The following RNGTT variants were observed in gnomAD, a reference collection of about 807,000 sequenced individuals.
The protein encoded by RNGTT is mRNA-capping enzyme.
RNGTT carries 33 observed loss-of-function variants against 79.3 expected under a neutral mutation model. The observed-to-expected ratio is 0.42, with a 90% CI of 0.32 to 0.56. The LOEUF is 0.56. Among genes scored for constraint, RNGTT ranks in the 20% least tolerant of loss-of-function variants. The pLI is 0.17. For synonymous variants in RNGTT, 222 were observed against 235.9 expected (o/e 0.94, Z 0.54); for missense variants, 497 against 739.1 (o/e 0.67, Z 3.80).
chr6:88,940,992 A>AT lies in RNGTT; in HGVS notation c.174+78dup, dbSNP rs1437100581. The AT allele has an allele frequency of 3.4e-5, 25 of 730,688 alleles. No individual in the cohort carries two copies. In the East Asian group the frequency reaches 6.5e-4, roughly 19 times the overall value. The allele number at this position is 730,688 out of a possible 1,614,324, so 45.3% of individuals were successfully genotyped here. A position where few individuals can be genotyped will look rare whatever the true frequency, so the allele number is the denominator to read the frequency against. On this transcript the variant is annotated intron_variant, in intron 2 of 15. Coordinates refer to ENST00000369485, the MANE Select transcript of RNGTT (RefSeq NM_003800.5). ...CTATTAATTATTTTAAAATAATAAG[A>AT]TTTTTTTAAAAGCCACCTGAAGAAC... is the stretch of plus-strand genomic sequence containing the variant.
At chr6:88,750,494 T>C (rs1459978516) in intron 13 of RNGTT, among the ~76,000 whole-genome samples, 1 of 152,170 alleles carries the variant, frequency 6.6e-6, no homozygotes, top group African/African-American at 2.4e-5. Context: ...GTTTCTGGCT[T>C]ATGAAACTGG....
intron 8 of RNGTT, among the ~76,000 whole-genome samples, chr6:88,857,019 T>C (rs1056908938): frequency 6.6e-6 from 1 of 152,094 alleles, no homozygotes; most frequent in Non-Finnish European, 1.5e-5. Context: ...GTTTCCCAGA[T>C]AGAAAATGCT....
chr6:88,706,005 GAGT>G (rs1198271428), intron 13 of RNGTT, among the ~76,000 whole-genome samples: 5 of 152,022 alleles, frequency 3.3e-5, no homozygotes, highest in African/African-American at 1.2e-4. Context: ...AAAGAGAAAT[GAGT>G]AGAATACCAT....
At chr6:88,852,046 T>C (rs1177327763) in intron 9 of RNGTT, among the ~76,000 whole-genome samples, 7 of 152,110 alleles carry the variant, frequency 4.6e-5, no homozygotes, top group Admixed American at 4.6e-4. Context: ...CTGTTTCTAA[T>C]GCCAACTCCT....
At chr6:88,656,356 T>C (rs953279203) in intron 14 of RNGTT, among the ~76,000 whole-genome samples, 4 of 152,192 alleles carry the variant, frequency 2.6e-5, no homozygotes, top group Admixed American at 6.5e-5. Context: ...TCTTACTCCA[T>C]GTTACCACTC....
intron 8 of RNGTT, among the ~76,000 whole-genome samples, chr6:88,867,240 T>C (rs930390374): frequency 6.6e-6 from 1 of 151,956 alleles, no homozygotes; most frequent in Non-Finnish European, 1.5e-5. Context: ...CCCAGCACTT[T>C]GGGAAGCCAA....
At chr6:88,632,105 C>T (rs1362922864) in intron 14 of RNGTT, among the ~76,000 whole-genome samples, 8 of 152,208 alleles carry the variant, frequency 5.3e-5, no homozygotes, top group East Asian at 3.9e-4. Context: ...GAACTACAGG[C>T]GTGTGCCACC....
intron 13 of RNGTT, among the ~76,000 whole-genome samples, chr6:88,687,999 T>C (rs768291605): frequency 6.8e-4 from 104 of 152,298 alleles, no homozygotes; most frequent in Admixed American, 1.8e-3. Flanking sequence ...AAAATAATTA[T>C]ATTTACAAAT....
chr6:88,729,008 G>A (rs777898786), intron 13 of RNGTT, among the ~76,000 whole-genome samples: 82 of 152,264 alleles, frequency 5.4e-4, no homozygotes, highest in African/African-American at 1.6e-3. Context: ...TCGACCGGGC[G>A]TGGGCTGCAT....
Position 88,774,452 on chromosome 6 carries a change from C to A in RNGTT, c.1339-4578G>T, listed in dbSNP as rs529967169. Among the ~76,000 whole-genome samples the A allele has an allele frequency of 4.6e-5, 7 of 152,214 alleles. No individual in the cohort carries two copies. The East Asian group carries it at 5.8e-4, about 13-fold the overall frequency. ...GCCAAACACAGAATTACCACATGACCCGGAAGGTCCATTTCTAGGTACACA... is the reference window on the plus strand; with the variant it reads ...GCCAAACACAGAATTACCACATGACACGGAAGGTCCATTTCTAGGTACACA... On this transcript the variant is annotated intron_variant, in intron 12 of 15. Transcript: ENST00000369485.
chr6:88,627,445 G>T (rs1482336902), intron 14 of RNGTT, among the ~76,000 whole-genome samples: 2 of 152,000 alleles, frequency 1.3e-5, no homozygotes, highest in Non-Finnish European at 2.9e-5. Flanking sequence ...TTTTAGAAAT[G>T]TGTGCTGGTT....
At chr6:88,778,723 G>A (rs1252028775) in intron 12 of RNGTT, among the ~76,000 whole-genome samples, 1 of 152,096 alleles carries the variant, frequency 6.6e-6, no homozygotes, top group Non-Finnish European at 1.5e-5. Flanking sequence ...ACTTCAAACG[G>A]AAGTCCATAC....
chr6:88,840,629 G>T (rs1338294393), intron 11 of RNGTT, among the ~76,000 whole-genome samples: 1 of 152,138 alleles, frequency 6.6e-6, no homozygotes, highest in Admixed American at 6.5e-5. Flanking sequence ...GAACTCTTGG[G>T]CACAAGCGAT....
chr6:88,664,524 G>T (rs188201813), intron 14 of RNGTT, among the ~76,000 whole-genome samples: 1 of 152,166 alleles, frequency 6.6e-6, no homozygotes, highest in Non-Finnish European at 1.5e-5. Context: ...ATGCCAACCC[G>T]GTGAAATGCT....
At chr6:88,896,392 T>G (rs1301193891) in intron 6 of RNGTT, among the ~76,000 whole-genome samples, 1 of 152,192 alleles carries the variant, frequency 6.6e-6, no homozygotes, top group Non-Finnish European at 1.5e-5. Flanking sequence ...GAATTGGGAT[T>G]CCGAGACAAG....
chr6:88,826,115 C>A (rs1780647940), intron 11 of RNGTT, among the ~76,000 whole-genome samples: 1 of 152,154 alleles, frequency 6.6e-6, no homozygotes, highest in Non-Finnish European at 1.5e-5. Context: ...CAGTTGATTT[C>A]ATGTACCACT....
intron 6 of RNGTT, among the ~76,000 whole-genome samples, chr6:88,893,481 CAT>C (rs1325276740): frequency 6.6e-6 from 1 of 152,070 alleles, no homozygotes; most frequent in African/African-American, 2.4e-5. Context: ...ATATTTTTAA[CAT>C]ATAATAAAAA....
intron 1 of RNGTT, among the ~76,000 whole-genome samples, chr6:88,944,114 C>A (rs1421948424): frequency 6.6e-6 from 1 of 151,432 alleles, no homozygotes; most frequent in Non-Finnish European, 1.5e-5. Context: ...TTAGACTTCA[C>A]TGAAAAGAAA....
intron 13 of RNGTT, among the ~76,000 whole-genome samples, chr6:88,763,087 CTT>C (rs59200191): frequency 7.4e-4 from 71 of 95,496 alleles, no homozygotes; most frequent in African/African-American, 3.0e-3. Context: ...TCATGGCCAG[CTT>C]TTTTTTTTTT....
Sources: allele counts gnomAD v4.1 joint callset (sites outside exome capture counted in the v4.1 genomes callset), GRCh38; gene constraint gnomAD v4.1.1; transcripts MANE v1.5; gene names NCBI Gene and HGNC (gene_info 2026-07-23, HGNC 2026-07-21).